Variants in RCSD1 observed in about 807,000 individuals in gnomAD.
RCSD1 encodes the protein RCSD domain containing 1.
Under a neutral mutation model 42.5 loss-of-function variants are expected in RCSD1, and 26 were observed. The observed-to-expected ratio is 0.61, with a 90% CI of 0.45 to 0.85. The LOEUF is 0.85. Ranked by LOEUF, RCSD1 falls within the 40% of genes least tolerant of loss-of-function variation. The pLI, the probability that RCSD1 is intolerant of heterozygous loss-of-function variation, is 0.00. For missense variants in RCSD1, 571 were observed against 528.3 expected (o/e 1.08, Z -0.79); for synonymous variants, 220 against 212.2 (o/e 1.04, Z -0.32).
At chr1:167,630,870 A>C (rs369806938) in intron 1 of RCSD1, among the ~76,000 whole-genome samples, 1 of 152,192 alleles carries the variant, frequency 6.6e-6, no homozygotes, top group South Asian at 2.1e-4. Context: ...TGGCAACACG[A>C]GGCCAGCACG....
intron 5 of RCSD1, among the ~76,000 whole-genome samples, chr1:167,694,941 A>G (rs1390131942): frequency 2.6e-5 from 4 of 152,200 alleles, no homozygotes; most frequent in African/African-American, 9.7e-5. Context: ...GCAGGTAGCC[A>G]ACAAATGTGT....
chr1:167,676,346 A>G (rs890161182), intron 1 of RCSD1, among the ~76,000 whole-genome samples: 12 of 152,240 alleles, frequency 7.9e-5, no homozygotes, highest in South Asian at 2.1e-4. Context: ...GGGCGGTGCC[A>G]CTGCCAGAAA....
At chr1:167,636,940 G>C (rs1571666175) in intron 1 of RCSD1, among the ~76,000 whole-genome samples, 2 of 152,266 alleles carry the variant, frequency 1.3e-5, no homozygotes, top group Middle Eastern at 3.4e-3. Context: ...TGCCTGCCAG[G>C]CACTGCGGAT....
chr1:167,677,136 C>T (rs1658971745), intron 1 of RCSD1, among the ~76,000 whole-genome samples: 1 of 152,202 alleles, frequency 6.6e-6, no homozygotes, highest in Non-Finnish European at 1.5e-5. Flanking sequence ...GTTTCAATTC[C>T]TCTACCTTAT....
At chr1:167,664,041 C>G (rs188760086) in intron 1 of RCSD1, 1 of 152,202 alleles carries the variant, frequency 6.6e-6, no homozygotes, top group African/African-American at 2.4e-5. Flanking sequence ...TGGATGTGAA[C>G]CCAAACTGTC....
chr1:167,688,051 T>A (rs182864736), intron 3 of RCSD1, among the ~76,000 whole-genome samples: 2 of 152,334 alleles, frequency 1.3e-5, no homozygotes, highest in African/African-American at 4.8e-5. Context: ...GGATTGTTAG[T>A]CTCAGCCGCT....
chr1:167,708,361 A>C lies in RCSD1; in HGVS notation c.*3665A>C, dbSNP rs1659809620. 6.6e-6 allele frequency among the ~76,000 whole-genome samples: 1 copy of C among 152,260 alleles called. No homozygotes were observed. ...CAATTACTATCCCATTGTTTGCTTC[A>C]AAATTAAATTTTGTTTGACCCCAAC... On this transcript the variant is annotated 3_prime_UTR_variant, in exon 7 of 7. Coordinates refer to ENST00000367854, the MANE Select transcript of RCSD1 (RefSeq NM_052862.4).
In RCSD1 at chr1:167,704,726, G is replaced by T; in HGVS notation, c.*30G>T. The T allele has an allele frequency of 1.2e-6, 2 of 1,607,354 alleles. No homozygotes were observed. Among genetic ancestry groups the T allele is most frequent in the Non-Finnish European group, 1.7e-6 (2 of 1,174,628 alleles). Reference sequence around the variant, plus strand: ...CAGCTCATTGTGCCCCAGTGATGAAGTTGCTGGACACATCTCTTTGCAGGT... The same window carrying T: ...CAGCTCATTGTGCCCCAGTGATGAATTTGCTGGACACATCTCTTTGCAGGT... On this transcript the variant is annotated 3_prime_UTR_variant, in exon 7 of 7. Coordinates refer to ENST00000367854, the MANE Select transcript of RCSD1 (RefSeq NM_052862.4).
chr1:167,644,523 A>G (rs140324242), intron 1 of RCSD1, among the ~76,000 whole-genome samples: 1,799 of 151,890 alleles, frequency 0.012, 28 homozygotes, highest in African/African-American at 0.041. Flanking sequence ...ATACATACAT[A>G]CATACATACA....
chr1:167,656,148 T>C (rs1306560664), intron 1 of RCSD1, among the ~76,000 whole-genome samples: 1 of 152,160 alleles, frequency 6.6e-6, no homozygotes, highest in African/African-American at 2.4e-5. Flanking sequence ...GTGGGTATTG[T>C]GGACTCATTT....
rs1659211823 is a variant in RCSD1, at chr1:167,685,517, G to T, written c.198+7G>T. 1.9e-6 allele frequency: 3 copies of T among 1,611,534 alleles called. No homozygotes were observed. Among genetic ancestry groups the T allele is most frequent in the Non-Finnish European group, 2.5e-6 (3 of 1,178,020 alleles). ...GGGCCAGAATGGTGAGGAGGTAAGT[G>T]CTGCTGTTGGGGCTCAGAGGATGCT... On this transcript the variant is annotated splice_region_variant and intron_variant, in intron 3 of 6. Transcript: ENST00000367854.
chr1:167,648,561 G>A (rs1411883161), intron 1 of RCSD1, among the ~76,000 whole-genome samples: 2 of 152,204 alleles, frequency 1.3e-5, no homozygotes, highest in Non-Finnish European at 2.9e-5. Context: ...AAGTCCTGTG[G>A]TTCCCCCTCC....
rs747237639 is a variant in RCSD1, at chr1:167,685,408, G to T, written c.109-13G>T. 2 of 1,608,664 alleles carry T rather than the reference G, an allele frequency of 1.2e-6. No homozygotes were observed. Among genetic ancestry groups the T allele is most frequent in the South Asian group, 1.1e-5 (1 of 90,772 alleles). On this transcript the variant is annotated splice_polypyrimidine_tract_variant and intron_variant, in intron 2 of 6. Coordinates refer to ENST00000367854, the MANE Select transcript of RCSD1 (RefSeq NM_052862.4). ...CTTTTTCTCTGTGTGTCTGTCTGTC[G>T]CCCTCCCTCCAGACACCAGCCAGTA...
intron 1 of RCSD1, among the ~76,000 whole-genome samples, chr1:167,635,740 G>C (rs549360773): frequency 6.6e-6 from 1 of 152,274 alleles, no homozygotes; most frequent in South Asian, 2.1e-4. Flanking sequence ...AAATCTCAGA[G>C]CTCTGGGTGA....
chr1:167,652,275 G>A (rs933738980), intron 1 of RCSD1, among the ~76,000 whole-genome samples: 1 of 152,148 alleles, frequency 6.6e-6, no homozygotes, highest in African/African-American at 2.4e-5. Context: ...GCCAGGCTCA[G>A]CCTCCCAAAG....
chr1:167,687,439 C>A (rs1027940357), intron 3 of RCSD1, among the ~76,000 whole-genome samples: 2 of 151,324 alleles, frequency 1.3e-5, no homozygotes, highest in South Asian at 4.2e-4. Flanking sequence ...AGGAGAATGG[C>A]GTGAACCCCG....
At position 167,692,254 on chromosome 1, in the gene RCSD1, T is replaced by C. The variant is rs1021796462; in HGVS notation, c.271-1845T>C. On this transcript the variant is annotated intron_variant, in intron 4 of 6. Coordinates refer to ENST00000367854, the MANE Select transcript of RCSD1 (RefSeq NM_052862.4). Reference sequence around the variant, plus strand: ...CAGCTAGATTTTCTTCTAACTATTCTACTGAATGAATTATGAACTAGGGAT... The same window carrying C: ...CAGCTAGATTTTCTTCTAACTATTCCACTGAATGAATTATGAACTAGGGAT... Among the ~76,000 whole-genome samples the C allele has an allele frequency of 6.6e-5, 10 of 152,254 alleles. 1 individual carries two copies. Among genetic ancestry groups the C allele is most frequent in the South Asian group, 2.1e-4 (1 of 4,836 alleles).
At position 167,634,734 on chromosome 1, in the gene RCSD1, T is replaced by A. The variant is rs577389096; in HGVS notation, c.6+4305T>A. Among the ~76,000 whole-genome samples, 10 of 152,336 alleles carry A rather than the reference T, an allele frequency of 6.6e-5. No homozygotes were observed. The South Asian group carries it at 2.1e-3, about 32-fold the overall frequency. On this transcript the variant is annotated intron_variant, in intron 1 of 6. Coordinates refer to ENST00000367854, the MANE Select transcript of RCSD1 (RefSeq NM_052862.4). Reference sequence around the variant, plus strand: ...CATGGCACTGAAAAAAAGTCATAAATTTCTAACTTAGGTGGAGACAATAAA... The same window carrying A: ...CATGGCACTGAAAAAAAGTCATAAAATTCTAACTTAGGTGGAGACAATAAA...
intron 6 of RCSD1, among the ~76,000 whole-genome samples, chr1:167,701,252 G>GTTTC (rs11446259): frequency 0.14 from 13,157 of 95,958 alleles, 1,233 homozygotes; most frequent in East Asian, 0.19. Context: ...CAATTGCCTA[G>GTTTC]TTTCTTTCTT....
Sources: allele counts gnomAD v4.1 joint callset (sites outside exome capture counted in the v4.1 genomes callset), GRCh38; gene constraint gnomAD v4.1.1; transcripts MANE v1.5; gene names NCBI Gene and HGNC (gene_info 2026-07-23, HGNC 2026-07-21).